PARM1: variants seen among roughly 807,000 people sequenced by gnomAD.
The protein encoded by PARM1 is WSC4, cell wall integrity and stress response component 4 homolog.
PARM1 carries 14 observed loss-of-function variants against 24.6 expected under a neutral mutation model. That is an observed-to-expected ratio of 0.57 (90% confidence interval 0.38 to 0.89). The LOEUF (loss-of-function observed/expected upper bound fraction) is 0.89, where lower values mean the gene tolerates loss of function less well. PARM1 is among the 40% of genes least tolerant of loss of function. The pLI, the probability that PARM1 is intolerant of heterozygous loss-of-function variation, is 0.00. For missense variants in PARM1, 362 were observed against 380.4 expected (o/e 0.95, Z 0.40); for synonymous variants, 179 against 156.6 (o/e 1.14, Z -1.07).
chr4:75,011,154 C>G (rs889911009), intron 1 of PARM1, among the ~76,000 whole-genome samples: 2 of 152,158 alleles, frequency 1.3e-5, no homozygotes, highest in Non-Finnish European at 2.9e-5. Flanking sequence ...CAAAACAACC[C>G]CCACCAGGCC....
At chr4:74,973,905 A>AAG (rs58291443) in intron 1 of PARM1, among the ~76,000 whole-genome samples, 3 of 143,720 alleles carry the variant, frequency 2.1e-5, no homozygotes, top group Non-Finnish European at 3.1e-5. Context: ...GAGAGAAAGA[A>AAG]AGAGAGAGAG....
At chr4:74,947,855 G>A (rs1721439045) in intron 1 of PARM1, among the ~76,000 whole-genome samples, 1 of 152,134 alleles carries the variant, frequency 6.6e-6, no homozygotes, top group Non-Finnish European at 1.5e-5. Flanking sequence ...CCTCCTAGTT[G>A]CTTGCAAAAC....
intron 2 of PARM1, among the ~76,000 whole-genome samples, chr4:75,028,319 C>T (rs771241455): frequency 3.9e-5 from 6 of 152,178 alleles, no homozygotes; most frequent in Non-Finnish European, 8.8e-5. Flanking sequence ...GTCAAGCCCT[C>T]GCCAGTCGCC....
chr4:74,938,551 C>T (rs1284168504), intron 1 of PARM1, among the ~76,000 whole-genome samples: 1 of 152,116 alleles, frequency 6.6e-6, no homozygotes, highest in Admixed American at 6.5e-5. Flanking sequence ...TCTGCTTTAT[C>T]CAATGTTTGC....
chr4:75,048,380 G>A lies in PARM1; in HGVS notation c.*2133G>A, dbSNP rs571246504. The stretch of plus-strand genomic sequence containing the variant: ...AAGTGGACCTTCTCAGAAAAAAAGG[G>A]CAGCAAATGACCAAGGGCGCCCCTT... On this transcript the variant is annotated 3_prime_UTR_variant, in exon 4 of 4. Coordinates refer to ENST00000307428, the MANE Select transcript of PARM1 (RefSeq NM_015393.4). 1 of 152,264 alleles carries A rather than the reference G, an allele frequency of 6.6e-6. No individual in the cohort carries two copies. Among genetic ancestry groups the A allele is most frequent in the African/African-American group, 2.4e-5 (1 of 41,538 alleles). 9.4% of individuals were successfully genotyped at this position (152,264 alleles called of 1,614,324 possible).
intron 1 of PARM1, among the ~76,000 whole-genome samples, chr4:75,006,789 A>G (rs1722777164): frequency 6.6e-6 from 1 of 152,218 alleles, no homozygotes; most frequent in South Asian, 2.1e-4. Flanking sequence ...AAACCTAGGC[A>G]ATACCATTCA....
intron 1 of PARM1, among the ~76,000 whole-genome samples, chr4:74,947,320 T>C (rs1244734726): frequency 6.6e-6 from 1 of 151,632 alleles, no homozygotes; most frequent in Non-Finnish European, 1.5e-5. Context: ...GAAAACTCTA[T>C]GGGAAAAATA....
intron 1 of PARM1, chr4:74,993,807 G>C (rs542890462): frequency 6.6e-6 from 1 of 152,102 alleles, no homozygotes; most frequent in Non-Finnish European, 1.5e-5. Context: ...ACCTTTGTAG[G>C]TGATGGGTCT....
intron 1 of PARM1, among the ~76,000 whole-genome samples, chr4:74,945,741 G>A (rs563723929): frequency 1.3e-5 from 2 of 152,172 alleles, no homozygotes; most frequent in South Asian, 4.1e-4. Context: ...AAATGAAAGT[G>A]GCCAACACAG....
intron 2 of PARM1, among the ~76,000 whole-genome samples, chr4:75,020,495 C>CG (rs1327871998): frequency 2.2e-5 from 3 of 134,108 alleles, no homozygotes; most frequent in African/African-American, 4.1e-5. Context: ...CCTCATTTCC[C>CG]CCCCCCCGCA....
intron 1 of PARM1, among the ~76,000 whole-genome samples, chr4:75,002,433 T>A (rs1722697984): frequency 6.6e-6 from 1 of 152,176 alleles, no homozygotes. Flanking sequence ...CAAAGACTTT[T>A]TATCTTTTTA....
intron 1 of PARM1, among the ~76,000 whole-genome samples, chr4:74,939,572 CTT>C (rs56391946): frequency 0.3 from 45,155 of 151,760 alleles, 6,834 homozygotes; most frequent in Middle Eastern, 0.41. Context: ...TCAGTGCTGT[CTT>C]TTGTGCCGGG....
At chr4:75,016,393 T>G (rs984947846) in intron 2 of PARM1, among the ~76,000 whole-genome samples, 5 of 152,210 alleles carry the variant, frequency 3.3e-5, no homozygotes, top group African/African-American at 7.2e-5. Flanking sequence ...CTTAGATCTT[T>G]TTTTTGTTTG....
chr4:74,999,588 C>A (rs915002707), intron 1 of PARM1, among the ~76,000 whole-genome samples: 1 of 152,114 alleles, frequency 6.6e-6, no homozygotes, highest in Admixed American at 6.5e-5. Flanking sequence ...AATTTAGATA[C>A]CTGGGTTCCT....
At chr4:74,958,102 T>C (rs1323310855) in intron 1 of PARM1, among the ~76,000 whole-genome samples, 3 of 152,296 alleles carry the variant, frequency 2.0e-5, no homozygotes, top group East Asian at 3.9e-4. Context: ...CTGAAGGTGG[T>C]GGAGCTCTCT....
intron 1 of PARM1, among the ~76,000 whole-genome samples, chr4:74,968,472 T>G (rs1361031270): frequency 6.6e-6 from 1 of 152,234 alleles, no homozygotes; most frequent in Non-Finnish European, 1.5e-5. Context: ...CTATACCATT[T>G]CAACTTCAAA....
At chr4:75,009,973 A>G (rs1283924380) in intron 1 of PARM1, among the ~76,000 whole-genome samples, 1 of 152,228 alleles carries the variant, frequency 6.6e-6, no homozygotes, top group African/African-American at 2.4e-5. Context: ...GCAAAAAATT[A>G]CCATATGATT....
chr4:74,934,240 A>G (rs1721128920), intron 1 of PARM1, among the ~76,000 whole-genome samples: 1 of 152,104 alleles, frequency 6.6e-6, no homozygotes, highest in African/African-American at 2.4e-5. Context: ...TATTTTTTCC[A>G]GAAAACGTCT....
intron 1 of PARM1, among the ~76,000 whole-genome samples, chr4:74,934,710 C>A (rs538792063): frequency 6.6e-6 from 1 of 152,172 alleles, no homozygotes; most frequent in Admixed American, 6.5e-5. Context: ...GCGGAGCTCC[C>A]GGCTGGCTGC....
Sources: allele counts gnomAD v4.1 joint callset (sites outside exome capture counted in the v4.1 genomes callset), GRCh38; gene constraint gnomAD v4.1.1; transcripts MANE v1.5; gene names NCBI Gene and HGNC (gene_info 2026-07-23, HGNC 2026-07-21).